Variants in RNF146 observed in about 807,000 individuals in gnomAD.
RNF146 encodes E3 ubiquitin-protein ligase RNF146.
In RNF146, 11 loss-of-function variants were observed where a neutral mutation model predicts 29.7. The ratio of observed to expected loss-of-function variants is 0.37; its 90% CI spans 0.23 to 0.61. The LOEUF (loss-of-function observed/expected upper bound fraction) is 0.61, where lower values mean the gene tolerates loss of function less well. Among genes scored for constraint, RNF146 ranks in the 20% least tolerant of loss-of-function variants. The pLI is 0.66. For synonymous variants in RNF146, 150 were observed against 159.7 expected (o/e 0.94, Z 0.46); for missense variants, 342 against 438.9 (o/e 0.78, Z 1.97).
chr6:127,269,955 G>T, intron 1 of RNF146, among the ~76,000 whole-genome samples: 1 of 152,062 alleles, frequency 6.6e-6, no homozygotes, highest in South Asian at 2.1e-4. Flanking sequence ...GAAAAATACA[G>T]TAAGTCTTCA....
Position 127,287,418 on chromosome 6 carries a change from GATCATGA to G in RNF146, c.810_816del (p.Glu271HisfsTer36), listed in dbSNP as rs1779670076. 1 of 1,613,360 alleles carries G rather than the reference GATCATGA, an allele frequency of 6.2e-7. No individual in the cohort carries two copies. The highest frequency in any genetic ancestry group is 1.3e-5 in the African/African-American group (1 of 74,854). ...GAGTCATAGGGGAGAAGGAGAAGAA[GATCATGA>G]ATCACCATCTTCAGGCAGGGTACCA... On this transcript the variant is annotated frameshift_variant, in exon 3 of 3. Transcript: ENST00000368314. LOFTEE classifies it high-confidence loss of function.
At chr6:127,274,032 C>G (rs993898377) in intron 1 of RNF146, among the ~76,000 whole-genome samples, 2 of 151,904 alleles carry the variant, frequency 1.3e-5, no homozygotes, top group African/African-American at 4.8e-5. Context: ...GTTCTCTGCT[C>G]CTGGGTTTGT....
intron 2 of RNF146, chr6:127,280,638 A>G: frequency 1.1e-6 from 1 of 917,472 alleles, no homozygotes; most frequent in Non-Finnish European, 1.3e-6. Context: ...TTACATAATA[A>G]TTTTCTTAAA....
In RNF146 at chr6:127,287,736, C is replaced by G; in HGVS notation, c.*43C>G. On this transcript the variant is annotated 3_prime_UTR_variant, in exon 3 of 3. Transcript: ENST00000368314. ...TCCATGCTCAAGGTTGAAAGGGTTA[C>G]CTGTAAATTTCTGCCCACATAACAT... is the stretch of plus-strand genomic sequence containing the variant. 7.8e-7 allele frequency: 1 copy of G among 1,279,742 alleles called. No homozygotes were observed. Among genetic ancestry groups the G allele is most frequent in the Non-Finnish European group, 1.1e-6 (1 of 915,228 alleles). The allele number at this position is 1,279,742 out of a possible 1,614,324, so 79.3% of individuals were successfully genotyped here.
chr6:127,274,203 A>G (rs1406911717), intron 1 of RNF146, among the ~76,000 whole-genome samples: 2 of 152,116 alleles, frequency 1.3e-5, no homozygotes, highest in Non-Finnish European at 2.9e-5. Context: ...TCTAGTGGAT[A>G]TGTAGCAAAG....
chr6:127,267,768 G>A (rs574615553), intron 1 of RNF146, among the ~76,000 whole-genome samples: 25 of 152,268 alleles, frequency 1.6e-4, no homozygotes, highest in African/African-American at 5.8e-4. Flanking sequence ...CAAACCCTCT[G>A]CATCTTAAAA....
intron 2 of RNF146, among the ~76,000 whole-genome samples, chr6:127,282,790 G>C (rs1374877308): frequency 6.6e-6 from 1 of 151,658 alleles, no homozygotes; most frequent in Non-Finnish European, 1.5e-5. Context: ...AAACCTTTCA[G>C]TGAACTCCTC....
chr6:127,271,236 A>G (rs1374876140), intron 1 of RNF146, among the ~76,000 whole-genome samples: 1 of 152,170 alleles, frequency 6.6e-6, no homozygotes. Context: ...CTTCCAGGCA[A>G]TAGTAGACTA....
At chr6:127,271,765 G>A (rs907395100) in intron 1 of RNF146, among the ~76,000 whole-genome samples, 6 of 152,080 alleles carry the variant, frequency 3.9e-5, no homozygotes, top group Admixed American at 6.6e-5. Flanking sequence ...ATGTAGAAAC[G>A]TTGGATTAAA....
chr6:127,281,347 G>T (rs1010596713), intron 2 of RNF146, among the ~76,000 whole-genome samples: 2 of 151,468 alleles, frequency 1.3e-5, no homozygotes, highest in African/African-American at 4.8e-5. Context: ...CTAGGTGCTG[G>T]TCATCAAGGA....
chr6:127,288,456 GT>G lies in RNF146; in HGVS notation c.*767del, dbSNP rs1370314862. 5 of 166,812 alleles carry G rather than the reference GT, an allele frequency of 3.0e-5. No individual in the cohort carries two copies. The highest frequency in any genetic ancestry group is 1.2e-4 in the African/African-American group (5 of 41,388). The allele number at this position is 166,812 out of a possible 1,614,324, so 10.3% of individuals were successfully genotyped here. A position where few individuals can be genotyped will look rare whatever the true frequency, so the allele number is the denominator to read the frequency against. On this transcript the variant is annotated 3_prime_UTR_variant, in exon 3 of 3. Transcript: ENST00000368314. ...TAAAAAGTGGTGGTTTTAATTGGTT[GT>G]TTTCAGCTTAATCACCTGCTCAGAA...
At chr6:127,269,638 T>C (rs1777175078) in intron 1 of RNF146, among the ~76,000 whole-genome samples, 1 of 152,170 alleles carries the variant, frequency 6.6e-6, no homozygotes, top group Non-Finnish European at 1.5e-5. Flanking sequence ...GTATGACCTA[T>C]GCTTTTTCTT....
In RNF146 at chr6:127,287,628, G is replaced by A; in HGVS notation, c.1015G>A (p.Gly339Arg). 1 of 1,611,552 alleles carries A rather than the reference G, an allele frequency of 6.2e-7. No individual in the cohort carries two copies. The highest frequency in any genetic ancestry group is 8.5e-7 in the Non-Finnish European group (1 of 1,178,414). ...SGTDRSVAGG[G>R]TVSVSVRSRR... The stretch of plus-strand genomic sequence containing the variant: ...AACTGATCGATCAGTAGCAGGGGGT[G>A]GAACAGTGAGTGTCAGTGTCAGATC... Residue 339 changes from glycine to arginine, a missense_variant, in exon 3 of 3, where the codon GGA becomes AGA. Physicochemically the swap from Gly to Arg is moderately radical, Grantham distance 125. Transcript: ENST00000368314.
chr6:127,277,167 G>T (rs1236167225), intron 1 of RNF146, among the ~76,000 whole-genome samples: 1 of 151,918 alleles, frequency 6.6e-6, no homozygotes, highest in Non-Finnish European at 1.5e-5. Flanking sequence ...GGGATTATGG[G>T]GTATGTTAAA....
chr6:127,285,788 T>G (rs1007027488), intron 2 of RNF146, among the ~76,000 whole-genome samples: 1 of 151,906 alleles, frequency 6.6e-6, no homozygotes. Context: ...TTACTGTTAT[T>G]TTAGTAAGTA....
intron 1 of RNF146, among the ~76,000 whole-genome samples, chr6:127,274,886 G>C (rs1475807209): frequency 1.3e-5 from 2 of 152,136 alleles, no homozygotes; most frequent in East Asian, 3.9e-4. Context: ...TAAGTTACCT[G>C]CAGTCATACC....
chr6:127,287,348 C>G lies in RNF146; in HGVS notation c.735C>G (p.Asp245Glu), dbSNP rs147649313. ...PSPDASTSLE[D>E]SFAHLQLSGD... ...CTGATGCAAGCACTTCTCTGGAAGACTCTTTTGCTCATTTACAACTCAGTG... is the reference window on the plus strand; with the variant it reads ...CTGATGCAAGCACTTCTCTGGAAGAGTCTTTTGCTCATTTACAACTCAGTG... Residue 245 changes from aspartate to glutamate, a missense_variant, in exon 3 of 3, where the codon GAC (aspartate) becomes GAG (glutamate). By Grantham distance (45) the Asp-to-Glu change is conservative. Transcript: ENST00000368314. The G allele has an allele frequency of 6.2e-7, 1 of 1,613,498 alleles. No individual in the cohort carries two copies. The highest frequency in any genetic ancestry group is 8.5e-7 in the Non-Finnish European group (1 of 1,179,658).
Position 127,267,355 on chromosome 6 carries a change from G to C in RNF146, c.-109+430G>C, listed in dbSNP as rs950128851. Among the ~76,000 whole-genome samples, 8 of 152,298 alleles carry C rather than the reference G, an allele frequency of 5.3e-5. No homozygotes were observed. In the South Asian group the frequency reaches 1.7e-3, roughly 32 times the overall value. On this transcript the variant is annotated intron_variant, in intron 1 of 2. Coordinates refer to ENST00000368314, the MANE Select transcript of RNF146 (RefSeq NM_001242850.2). ...CGCCTGAGCCCGCTTCGCTGCCTCG[G>C]GTGGCAGGCGGGTCCCTCTCCTCCC...
At chr6:127,266,860 C>T (rs922273210), upstream of RNF146, 2 of 151,808 alleles carry the variant, frequency 1.3e-5, no homozygotes, top group African/African-American at 4.8e-5. Flanking sequence ...CGCGCGTTCC[C>T]GGCAGCTGCG....
Sources: allele counts gnomAD v4.1 joint callset (sites outside exome capture counted in the v4.1 genomes callset), GRCh38; gene constraint gnomAD v4.1.1; transcripts MANE v1.5; gene names NCBI Gene and HGNC (gene_info 2026-07-23, HGNC 2026-07-21).